The following GRB10 variants were observed in gnomAD, a reference collection of about 807,000 sequenced individuals.
GRB10 encodes growth factor receptor-bound protein 10.
In GRB10, 20 loss-of-function variants were observed where a neutral mutation model predicts 80.9. The ratio of observed to expected loss-of-function variants is 0.25; its 90% CI spans 0.17 to 0.36. The LOEUF (loss-of-function observed/expected upper bound fraction) is 0.36. Ranked by LOEUF, GRB10 falls within the 10% of genes least tolerant of loss-of-function variation. The pLI is 1.00. For missense variants in GRB10, 548 were observed against 747.7 expected, an observed-to-expected ratio of 0.73 and a Z score of 3.12; for synonymous variants, 291 against 291.5, an observed-to-expected ratio of 1.00 and a Z score of 0.02.
At chr7:50,700,390 T>C (rs17152102) in intron 5 of GRB10, among the ~76,000 whole-genome samples, 21,836 of 152,194 alleles carry the variant, frequency 0.14, 1,737 homozygotes, top group East Asian at 0.22. Context: ...AACGTGCTCT[T>C]ACCATGATTT....
intron 4 of GRB10, among the ~76,000 whole-genome samples, chr7:50,713,302 C>T (rs555965859): frequency 5.9e-5 from 9 of 152,120 alleles, no homozygotes; most frequent in African/African-American, 1.9e-4. Flanking sequence ...CCTCCCCTCC[C>T]GACATTTCCA....
At chr7:50,639,608 G>A (rs369344485) in intron 7 of GRB10, among the ~76,000 whole-genome samples, 3 of 151,882 alleles carry the variant, frequency 2.0e-5, no homozygotes, top group South Asian at 2.1e-4. Flanking sequence ...GGGAGGCGGA[G>A]CTTGCAGTGA....
In GRB10 at chr7:50,675,587, G is replaced by A. The variant is rs75444872; in HGVS notation, c.140-929C>T. Among the ~76,000 whole-genome samples, 322 of 152,302 alleles carry A rather than the reference G, an allele frequency of 2.1e-3. 1 individual carries two copies. The highest frequency in any genetic ancestry group is 7.1e-3 in the African/African-American group (297 of 41,556). ...AAGACCTGAATAGAAGAAAAAGACC[G>A]GCCTCCAAGGGGAAAGATGGAATTC... On this transcript the variant is annotated intron_variant, in intron 5 of 18. Transcript: ENST00000401949.
At chr7:50,603,308 C>A (rs1563120817) in intron 17 of GRB10, among the ~76,000 whole-genome samples, 1 of 152,206 alleles carries the variant, frequency 6.6e-6, no homozygotes, top group African/African-American at 2.4e-5. Context: ...TTCCCAGGGT[C>A]ATTCAAGTGT....
At chr7:50,640,091 G>A (rs1054854151) in intron 7 of GRB10, among the ~76,000 whole-genome samples, 6 of 152,226 alleles carry the variant, frequency 3.9e-5, no homozygotes, top group Non-Finnish European at 8.8e-5. Context: ...CTGGGCTGAA[G>A]ATACAACCTG....
chr7:50,711,840 C>T (rs769249709), intron 4 of GRB10, among the ~76,000 whole-genome samples: 2 of 152,120 alleles, frequency 1.3e-5, no homozygotes, highest in Admixed American at 6.5e-5. Flanking sequence ...GTACCAGGTA[C>T]GGTGCTAGAC....
At position 50,703,869 on chromosome 7, in the gene GRB10, C is replaced by T. The variant is rs373419464; in HGVS notation, c.91G>A (p.Ala31Thr). 11 of 1,613,508 alleles carry T rather than the reference C, an allele frequency of 6.8e-6. No individual in the cohort carries two copies. Among genetic ancestry groups the T allele is most frequent in the Non-Finnish European group, 9.3e-6 (11 of 1,179,592 alleles). ...GACTGTGCGGGGAGTCCTGGTCCTG[C>T]CGGGTCTTGTTGACTGCGAGGTGTC... is the stretch of plus-strand genomic sequence containing the variant. ...EQTPRSQQDP[A>T]GPGLPAQSDR... The change falls in exon 5 of 19, where the codon GCA becomes ACA. Residue 31 changes from alanine (A) to threonine (T), a missense_variant. Around this residue, in one of 4 missense-constraint regions of GRB10, gnomAD observed 245 missense variants for 229.3 expected, o/e 1.07. Transcript: ENST00000401949.
intron 5 of GRB10, among the ~76,000 whole-genome samples, chr7:50,685,232 A>G (rs1012822545): frequency 6.6e-6 from 1 of 152,260 alleles, no homozygotes; most frequent in African/African-American, 2.4e-5. Flanking sequence ...GATGTTAACA[A>G]AACAGAGACA....
intron 7 of GRB10, among the ~76,000 whole-genome samples, chr7:50,645,276 G>A (rs368748364): frequency 1.9e-4 from 29 of 152,176 alleles, no homozygotes; most frequent in African/African-American, 5.5e-4. Context: ...ACTGATAACT[G>A]GAAAGGCAAA....
At chr7:50,668,617 T>TA (rs2060051644) in intron 7 of GRB10, among the ~76,000 whole-genome samples, 1 of 152,074 alleles carries the variant, frequency 6.6e-6, no homozygotes, top group African/African-American at 2.4e-5. Flanking sequence ...AAACAAAAAA[T>TA]AAACATATCC....
At chr7:50,593,367 A>C (rs1456205684) in intron 18 of GRB10, among the ~76,000 whole-genome samples, 1 of 152,104 alleles carries the variant, frequency 6.6e-6, no homozygotes, top group East Asian at 1.9e-4. Flanking sequence ...AAGGTGGTCA[A>C]GGGGAAGGGC....
chr7:50,673,006 C>T (rs963349997), intron 6 of GRB10, among the ~76,000 whole-genome samples: 16 of 152,316 alleles, frequency 1.1e-4, no homozygotes, highest in African/African-American at 2.4e-4. Flanking sequence ...TGACCACGGG[C>T]GCCAGGGCCG....
intron 3 of GRB10, among the ~76,000 whole-genome samples, chr7:50,753,904 G>A (rs2074590702): frequency 6.6e-6 from 1 of 152,238 alleles, no homozygotes; most frequent in Admixed American, 6.5e-5. Flanking sequence ...GGGCGCTGGG[G>A]CTGGTGAGAG....
Position 50,766,139 on chromosome 7 carries a change from C to T in GRB10, c.-216-10083G>A, listed in dbSNP as rs575325183. On this transcript the variant is annotated intron_variant, in intron 2 of 18. Transcript: ENST00000401949. ...TTACTCATGCAACTTTAAAATTTAT[C>T]TAAGAAAGAATGTTTTCATCCAGTT... is the stretch of plus-strand genomic sequence containing the variant. 3.3e-5 allele frequency among the ~76,000 whole-genome samples: 5 copies of T among 152,276 alleles called. No homozygotes were observed. In the East Asian group the frequency reaches 7.7e-4, roughly 23 times the overall value.
chr7:50,610,025 T>A (rs908906952), intron 13 of GRB10, among the ~76,000 whole-genome samples: 3 of 152,154 alleles, frequency 2.0e-5, no homozygotes, highest in Non-Finnish European at 4.4e-5. Context: ...TTTCCATGGT[T>A]GATATGAAGA....
At chr7:50,744,620 T>C (rs75561545) in intron 3 of GRB10, among the ~76,000 whole-genome samples, 3,340 of 152,304 alleles carry the variant, frequency 0.022, 134 homozygotes, top group African/African-American at 0.077. Flanking sequence ...GTTTCACTAG[T>C]ATGGGTCCCC....
chr7:50,652,157 C>T (rs539266787), intron 7 of GRB10, among the ~76,000 whole-genome samples: 2 of 152,316 alleles, frequency 1.3e-5, no homozygotes, highest in African/African-American at 4.8e-5. Flanking sequence ...GATTCAGTGG[C>T]TGAGACAATA....
chr7:50,616,758 G>A (rs1433636598), intron 10 of GRB10, among the ~76,000 whole-genome samples: 2 of 152,248 alleles, frequency 1.3e-5, no homozygotes, highest in African/African-American at 4.8e-5. Flanking sequence ...AAGGTGTCAT[G>A]TGTCCGCAAG....
At chr7:50,665,863 C>T (rs895621885) in intron 7 of GRB10, among the ~76,000 whole-genome samples, 2 of 152,172 alleles carry the variant, frequency 1.3e-5, no homozygotes, top group Non-Finnish European at 2.9e-5. Context: ...CCCTTTGCGC[C>T]GGTGTACGTC....
Sources: allele counts gnomAD v4.1 joint callset (sites outside exome capture counted in the v4.1 genomes callset), GRCh38; gene constraint gnomAD v4.1.1; regional missense constraint gnomAD v4.1.1; transcripts MANE v1.5; gene names NCBI Gene and HGNC (gene_info 2026-07-23, HGNC 2026-07-21).